The following CCDC158 variants were observed in gnomAD, a reference collection of about 807,000 sequenced individuals.
The protein encoded by CCDC158 is coiled-coil domain containing 158, also known as coiled-coil domain-containing protein 158.
CCDC158 carries 116 observed loss-of-function variants against 138.6 expected under a neutral mutation model. The observed-to-expected ratio is 0.84, with a 90% confidence interval of 0.72 to 0.98. The LOEUF (loss-of-function observed/expected upper bound fraction) is 0.98. Ranked by LOEUF, CCDC158 falls within the 50% of genes least tolerant of loss-of-function variation. CCDC158 has a pLI of 0.00. For missense variants in CCDC158, 1,265 were observed against 1,306.1 expected (o/e 0.97, Z 0.48); for synonymous variants, 436 against 442.4 (o/e 0.99, Z 0.18).
Position 76,328,880 on chromosome 4 carries a change from T to C in CCDC158, c.3010+20A>G. ...GGAGACATTGTAGGGCCTATTTCTG[T>C]GCTTTCATTGGAAACTCACCTGCAG... On this transcript the variant is annotated intron_variant, in intron 22 of 24. Transcript: ENST00000682701. 6.2e-7 allele frequency: 1 copy of C among 1,607,282 alleles called. No homozygotes were observed. The highest frequency in any genetic ancestry group is 8.5e-7 in the Non-Finnish European group (1 of 1,173,792).
intron 12 of CCDC158, among the ~76,000 whole-genome samples, chr4:76,365,389 T>A (rs1724555273): frequency 6.6e-6 from 1 of 152,176 alleles, no homozygotes; most frequent in Non-Finnish European, 1.5e-5. Context: ...ACCTAGGAAA[T>A]TATTCCCTGA....
intron 18 of CCDC158, among the ~76,000 whole-genome samples, chr4:76,348,242 G>A (rs1722740629): frequency 6.9e-6 from 1 of 144,614 alleles, no homozygotes; most frequent in Non-Finnish European, 1.5e-5. Context: ...GGCTAACACA[G>A]TGAAACCCCG....
chr4:76,326,641 G>A (rs1720556285), intron 22 of CCDC158, among the ~76,000 whole-genome samples: 1 of 151,778 alleles, frequency 6.6e-6, no homozygotes, highest in African/African-American at 2.4e-5. Flanking sequence ...AAGCAAAAGG[G>A]GAAAAAAGGA....
At chr4:76,373,403 C>T (rs950109565) in intron 9 of CCDC158, among the ~76,000 whole-genome samples, 2 of 152,106 alleles carry the variant, frequency 1.3e-5, no homozygotes, top group Non-Finnish European at 2.9e-5. Context: ...GTGCATATTC[C>T]TTCTTAGCTT....
intron 4 of CCDC158, among the ~76,000 whole-genome samples, chr4:76,386,293 G>A (rs1326648800): frequency 6.6e-6 from 1 of 152,200 alleles, no homozygotes. Flanking sequence ...AAAATAGTGA[G>A]GCAGGAAAAT....
At position 76,379,364 on chromosome 4, in the gene CCDC158, G is replaced by A; in HGVS notation, c.955C>T (p.Leu319Phe). ...GAAACAGTAGATTCCAGATCGCTGA[G>A]CTGACGCATATACATAGAGTTTTGG... ...RNQNSMYMRQLSDLESTVSQL... is the reference protein window; with the variant it reads ...RNQNSMYMRQFSDLESTVSQL... The change falls in exon 9 of 25, where the codon CTC becomes TTC. Residue 319 changes from leucine to phenylalanine, a missense_variant. By Grantham distance (22) the Leu-to-Phe change is conservative. Transcript: ENST00000682701. 1 of 1,609,694 alleles carries A rather than the reference G, an allele frequency of 6.2e-7. No homozygotes were observed. Among genetic ancestry groups the A allele is most frequent in the East Asian group, 2.2e-5 (1 of 44,658 alleles).
intron 13 of CCDC158, among the ~76,000 whole-genome samples, chr4:76,361,390 A>C (rs1724122204): frequency 6.6e-6 from 1 of 151,964 alleles, no homozygotes; most frequent in African/African-American, 2.4e-5. Flanking sequence ...GTGAAACCCT[A>C]TCTCTACTAA....
chr4:76,418,820 A>G (rs887936784), intron 1 of CCDC158, among the ~76,000 whole-genome samples: 5 of 152,246 alleles, frequency 3.3e-5, no homozygotes, highest in Non-Finnish European at 5.9e-5. Context: ...CAGCCAAACC[A>G]TATCAAGGAA....
intron 18 of CCDC158, among the ~76,000 whole-genome samples, chr4:76,350,556 A>C (rs1722949369): frequency 6.6e-6 from 1 of 152,188 alleles, no homozygotes; most frequent in Non-Finnish European, 1.5e-5. Context: ...TAAACTAAAA[A>C]ATTTCCAAAG....
chr4:76,315,460 T>C (rs13146869), intron 24 of CCDC158, among the ~76,000 whole-genome samples: 38,077 of 152,110 alleles, frequency 0.25, 5,897 homozygotes, highest in East Asian at 0.68. Context: ...TATCATAGCT[T>C]GTGCCGTCTT....
In CCDC158 at chr4:76,403,194, GC is replaced by G; in HGVS notation, c.13del (p.Ala5LeufsTer34). MESK[A>X]WESNNEDLLS... is the part of the protein sequence containing the mutation. ...AAGATCTTCATTATTTGATTCCCAA[GC>G]TTTTGATTCCATATTAAATATTGCT... is the stretch of plus-strand genomic sequence containing the variant. On this transcript the variant is annotated frameshift_variant, in exon 3 of 25. Transcript: ENST00000682701. LOFTEE classifies it high-confidence loss of function. 1 of 1,601,876 alleles carries G rather than the reference GC, an allele frequency of 6.2e-7. No homozygotes were observed. Among genetic ancestry groups the G allele is most frequent in the Non-Finnish European group, 8.5e-7 (1 of 1,172,412 alleles).
chr4:76,350,982 G>C lies in CCDC158; in HGVS notation c.2664+14C>G, dbSNP rs1456095780. The C allele has an allele frequency of 1.2e-6, 2 of 1,611,410 alleles. No homozygotes were observed. Among genetic ancestry groups the C allele is most frequent in the African/African-American group, 2.7e-5 (2 of 74,800 alleles). On this transcript the variant is annotated intron_variant, in intron 18 of 24. Coordinates refer to ENST00000682701, the MANE Select transcript of CCDC158 (RefSeq NM_001394954.1). The stretch of plus-strand genomic sequence containing the variant: ...ATGTCATTTGCGTAATGGATCATAA[G>C]ACTGGTTACTTACATGAGACAGGAA...
intron 15 of CCDC158, 122 bp downstream of exon 15, chr4:76,355,202 C>T (rs977526288): frequency 3.0e-6 from 2 of 662,334 alleles, no homozygotes; most frequent in African/African-American, 3.6e-5. Context: ...CCCTTGTTCT[C>T]TCACCTAGAA....
In CCDC158 at chr4:76,367,671, T is replaced by G; in HGVS notation, c.1453A>C (p.Thr485Pro). 1.2e-6 allele frequency: 2 copies of G among 1,614,226 alleles called. No homozygotes were observed. The highest frequency in any genetic ancestry group is 8.5e-7 in the Non-Finnish European group (1 of 1,180,042). The change falls in exon 12 of 25, where the codon ACA becomes CCA. Residue 485 changes from threonine to proline, a missense_variant. Thr to Pro is a conservative substitution (Grantham distance 38, BLOSUM62 -1). Coordinates refer to ENST00000682701, the MANE Select transcript of CCDC158 (RefSeq NM_001394954.1). Reference sequence around the variant, plus strand: ...CTCTCCAGAGTCATTTTCTTGGCTGTCAACTCTTCTACTACTTTGCGCAGC... The same window carrying G: ...CTCTCCAGAGTCATTTTCTTGGCTGGCAACTCTTCTACTACTTTGCGCAGC... ...EMLRKVVEEL[T>P]AKKMTLESSE...
At chr4:76,412,893 C>T (rs930005402) in intron 1 of CCDC158, among the ~76,000 whole-genome samples, 1 of 152,166 alleles carries the variant, frequency 6.6e-6, no homozygotes, top group Non-Finnish European at 1.5e-5. Context: ...AGCAAGTAAA[C>T]CTACAGGCAC....
chr4:76,385,491 A>G lies in CCDC158; in HGVS notation c.289-826T>C, dbSNP rs570992920. On this transcript the variant is annotated intron_variant, in intron 4 of 24. Transcript: ENST00000682701. ...ATGCCAAATAAGTGATCAGGGGAGAAAGGGTCACGAAAATTAAAAATATGG... is the reference window on the plus strand; with the variant it reads ...ATGCCAAATAAGTGATCAGGGGAGAGAGGGTCACGAAAATTAAAAATATGG... Among the ~76,000 whole-genome samples the G allele has an allele frequency of 3.3e-5, 5 of 152,302 alleles. No individual in the cohort carries two copies. The South Asian group carries it at 1.0e-3, about 32-fold the overall frequency.
intron 24 of CCDC158, among the ~76,000 whole-genome samples, chr4:76,317,721 C>T (rs1719540876): frequency 6.6e-6 from 1 of 152,044 alleles, no homozygotes; most frequent in African/African-American, 2.4e-5. Context: ...TTTCATTAGC[C>T]CATGGAACAT....
At chr4:76,412,455 A>T (rs891327267) in intron 1 of CCDC158, among the ~76,000 whole-genome samples, 14 of 152,262 alleles carry the variant, frequency 9.2e-5, no homozygotes, top group East Asian at 1.9e-4. Flanking sequence ...TCTACAAAAA[A>T]TTTTTTTAAA....
intron 9 of CCDC158, among the ~76,000 whole-genome samples, chr4:76,372,419 TG>T (rs1725330543): frequency 6.6e-6 from 1 of 152,210 alleles, no homozygotes; most frequent in African/African-American, 2.4e-5. Context: ...CACTCCAGCC[TG>T]GGTGACAGAG....
Sources: gnomAD v4.1 joint callset for allele counts (sites outside exome capture counted in the v4.1 genomes callset) on GRCh38, gnomAD v4.1.1 for gene constraint, MANE v1.5 for transcripts, NCBI Gene and HGNC (gene_info 2026-07-23, HGNC 2026-07-21) for gene names.